VWA3B: variants seen among roughly 807,000 people sequenced by gnomAD.
VWA3B encodes von Willebrand factor A domain-containing protein 3B.
A neutral mutation model predicts 158.3 loss-of-function variants in VWA3B; 138 were observed. That is an observed-to-expected ratio of 0.87 (90% CI 0.76 to 1.00). The LOEUF is 1.00. Among genes scored for constraint, VWA3B ranks in the 50% least tolerant of loss-of-function variants. The probability of loss-of-function intolerance (pLI) is 0.00; values close to 1 mark genes in which losing one functional copy is unlikely to be tolerated. For missense variants in VWA3B, 1,555 were observed against 1,565.1 expected, an observed-to-expected ratio of 0.99 and a Z score of 0.11; for synonymous variants, 596 against 587.3, an observed-to-expected ratio of 1.01 and a Z score of -0.21.
chr2:98,276,860 T>C (rs1400096342), intron 22 of VWA3B, among the ~76,000 whole-genome samples: 1 of 152,228 alleles, frequency 6.6e-6, no homozygotes, highest in Non-Finnish European at 1.5e-5. Context: ...TACCCTCATC[T>C]GGAACAGGGT....
chr2:98,117,748 CTTTTTTT>C (rs35080840), intron 3 of VWA3B, among the ~76,000 whole-genome samples: 16 of 119,470 alleles, frequency 1.3e-4, no homozygotes, highest in African/African-American at 4.9e-4. Context: ...CTTAAATTAC[CTTTTTTT>C]TTTTTTTTTT....
At chr2:98,089,871 G>A (rs773948081) in intron 1 of VWA3B, among the ~76,000 whole-genome samples, 2 of 152,024 alleles carry the variant, frequency 1.3e-5, no homozygotes, top group Admixed American at 6.5e-5. Context: ...AGGGACTGGG[G>A]CGTGCACCTT....
At chr2:98,120,183 C>T (rs1674855506) in intron 4 of VWA3B, among the ~76,000 whole-genome samples, 1 of 152,190 alleles carries the variant, frequency 6.6e-6, no homozygotes, top group Non-Finnish European at 1.5e-5. Context: ...TATAAGTTGA[C>T]CCCTTTCACC....
the VWA3B span, among the ~76,000 whole-genome samples, chr2:98,321,144 G>T: frequency 1.3e-5 from 2 of 152,248 alleles, no homozygotes; most frequent in Non-Finnish European, 2.9e-5. Flanking sequence ...TACAAGTGGT[G>T]TTGGGCCTGT....
chr2:98,119,419 C>T, intron 3 of VWA3B, 94 bp from the exon 4 acceptor site: 1 of 1,414,616 alleles, frequency 7.1e-7, no homozygotes, highest in South Asian at 1.3e-5. Context: ...ATTGACAACA[C>T]TGTTATGAGT....
intron 19 of VWA3B, among the ~76,000 whole-genome samples, chr2:98,238,538 A>G (rs941678655): frequency 6.6e-6 from 1 of 152,310 alleles, no homozygotes; most frequent in African/African-American, 2.4e-5. Context: ...CTCCTTCTAA[A>G]TGTCCCAACA....
intron 25 of VWA3B, 43 bp from the exon 26 acceptor site, chr2:98,303,659 A>G: frequency 1.3e-6 from 2 of 1,566,130 alleles, no homozygotes; most frequent in South Asian, 2.2e-5. Flanking sequence ...AATTGTGGAC[A>G]TTTCTGATTT....
chr2:98,237,357 C>T lies in VWA3B; in HGVS notation c.2673+627C>T, dbSNP rs1342427611. ...TTTATGAAAGGAAAGGGAGGACTTG[C>T]GAGAGATTATGTCCTTCTTTTGCTT... On this transcript the variant is annotated intron_variant, in intron 19 of 27. Transcript: ENST00000477737. Among the ~76,000 whole-genome samples the T allele has an allele frequency of 3.3e-5, 5 of 152,054 alleles. No homozygotes were observed. In the South Asian group the frequency reaches 6.2e-4, roughly 19 times the overall value.
intron 10 of VWA3B, among the ~76,000 whole-genome samples, chr2:98,190,526 C>T (rs1459511840): frequency 2.6e-5 from 4 of 152,114 alleles, no homozygotes; most frequent in African/African-American, 9.7e-5. Flanking sequence ...GAAGAAGTTT[C>T]ATTCATATTT....
intron 21 of VWA3B, chr2:98,269,467 T>A (rs545930360): frequency 6.6e-6 from 1 of 152,234 alleles, no homozygotes; most frequent in Non-Finnish European, 1.5e-5. Flanking sequence ...AATATGCCAC[T>A]GTTCTCATCA....
chr2:98,105,882 G>C (rs558943197), intron 2 of VWA3B, among the ~76,000 whole-genome samples: 1 of 151,790 alleles, frequency 6.6e-6, no homozygotes, highest in East Asian at 1.9e-4. Flanking sequence ...ATATTTCCAG[G>C]TTCTCTATTT....
chr2:98,195,876 A>G (rs973313848), intron 12 of VWA3B, among the ~76,000 whole-genome samples: 1 of 152,220 alleles, frequency 6.6e-6, no homozygotes, highest in South Asian at 2.1e-4. Context: ...TTCATTTTCA[A>G]AAGGACCAAG....
At chr2:98,094,824 G>C (rs1186917474) in intron 2 of VWA3B, among the ~76,000 whole-genome samples, 2 of 152,046 alleles carry the variant, frequency 1.3e-5, no homozygotes, top group African/African-American at 4.8e-5. Context: ...GCCTAATTTT[G>C]TTATTCTGCC....
At chr2:98,229,856 G>A (rs1224704526) in intron 15 of VWA3B, among the ~76,000 whole-genome samples, 194 bp from the exon 16 acceptor site, 3 of 152,132 alleles carry the variant, frequency 2.0e-5, no homozygotes, top group African/African-American at 7.2e-5. Context: ...CTGACTCCAA[G>A]GCTGGGCCCC....
chr2:98,312,160 C>A (rs1368065205), intron 27 of VWA3B, 40 bp from the exon 28 acceptor site: 1 of 1,614,152 alleles, frequency 6.2e-7, no homozygotes, highest in Non-Finnish European at 8.5e-7. Context: ...GCAGCAAAGA[C>A]CCTAACATCC....
At chr2:98,207,614 G>A (rs1333023612) in intron 12 of VWA3B, 18 of 479,070 alleles carry the variant, frequency 3.8e-5, no homozygotes, top group Non-Finnish European at 7.4e-5. Context: ...ACCATTAAAG[G>A]ATTTCAGCAG....
At chr2:98,266,453 G>A (rs956801518) in intron 21 of VWA3B, among the ~76,000 whole-genome samples, 9 of 151,778 alleles carry the variant, frequency 5.9e-5, no homozygotes, top group African/African-American at 9.7e-5. Flanking sequence ...CTGTAGCCTT[G>A]CAGTATAGTT....
chr2:98,197,339 G>A (rs1358536405), intron 12 of VWA3B, among the ~76,000 whole-genome samples: 1 of 152,150 alleles, frequency 6.6e-6, no homozygotes, highest in African/African-American at 2.4e-5. Context: ...TGATCATTTG[G>A]TTAAGGTGAC....
intron 24 of VWA3B, among the ~76,000 whole-genome samples, chr2:98,298,758 C>G (rs1689997101): frequency 6.6e-6 from 1 of 152,264 alleles, no homozygotes; most frequent in South Asian, 2.1e-4. Flanking sequence ...TGAGAAAGCA[C>G]TCCACAGGGT....
Sources: allele counts gnomAD v4.1 joint callset (sites outside exome capture counted in the v4.1 genomes callset), GRCh38; gene constraint gnomAD v4.1.1; transcripts MANE v1.5; gene names NCBI Gene and HGNC (gene_info 2026-07-23, HGNC 2026-07-21).